Variants in ABI3BP observed in about 807,000 individuals in gnomAD.
ABI3BP encodes the protein target of Nesh-SH3.
ABI3BP carries 216 observed loss-of-function variants against 268.6 expected under a neutral mutation model. The observed-to-expected ratio is 0.80, with a 90% CI of 0.72 to 0.90. The LOEUF is 0.90. Ranked by LOEUF, ABI3BP falls within the 40% of genes least tolerant of loss-of-function variation. The pLI, the probability that ABI3BP is intolerant of heterozygous loss-of-function variation, is 0.00. For synonymous variants in ABI3BP, 730 were observed against 730.0 expected, an observed-to-expected ratio of 1.00 and a Z score of 0.00; for missense variants, 2,090 against 2,182.4, an observed-to-expected ratio of 0.96 and a Z score of 0.84.
intron 1 of ABI3BP, chr3:100,945,569 A>C (rs567529546): frequency 7.2e-5 from 30 of 419,434 alleles, no homozygotes; most frequent in Non-Finnish European, 1.2e-4. Context: ...ATTAAATATA[A>C]ATGGACTTAC....
intron 49 of ABI3BP, among the ~76,000 whole-genome samples, chr3:100,808,583 C>T (rs539770592): frequency 7.3e-4 from 111 of 151,972 alleles, no homozygotes; most frequent in Middle Eastern, 3.4e-3. Context: ...TTTAGTTGTA[C>T]TATTTTAAAT....
At chr3:100,827,249 C>T (rs571170976) in intron 34 of ABI3BP, among the ~76,000 whole-genome samples, 8 of 152,228 alleles carry the variant, frequency 5.3e-5, no homozygotes, top group East Asian at 1.9e-4. Flanking sequence ...CTGCACACTG[C>T]GAAGTAAAAC....
rs546435181 is a variant in ABI3BP, at chr3:100,949,073, C to CA, written c.80-22593_80-22592insT. On this transcript the variant is annotated intron_variant, in intron 1 of 67. Coordinates refer to ENST00000471714, the MANE Select transcript of ABI3BP (RefSeq NM_001375547.2). ...CAAAAATAAGGTTATACTCCAAGTG[C>CA]TGTTCCATAACCTGCATTTTCTTCA... Among the ~76,000 whole-genome samples, 169 of 152,220 alleles carry CA rather than the reference C, an allele frequency of 1.1e-3. 2 individuals carry two copies. Among genetic ancestry groups the CA allele is most frequent in the African/African-American group, 3.9e-3 (164 of 41,542 alleles).
At chr3:100,900,863 G>T (rs1398278787) in intron 3 of ABI3BP, among the ~76,000 whole-genome samples, 1 of 152,078 alleles carries the variant, frequency 6.6e-6, no homozygotes, top group Non-Finnish European at 1.5e-5. Flanking sequence ...AATTTCTAAG[G>T]CTAGTGTCAT....
At chr3:100,753,042 T>A in intron 65 of ABI3BP, 94 bp from the exon 66 acceptor site, 4 of 1,098,036 alleles carry the variant, frequency 3.6e-6, no homozygotes, top group Non-Finnish European at 5.0e-6. Flanking sequence ...TGCTGATACC[T>A]TTTTTTCCCC....
chr3:100,935,305 T>C (rs1257263655), intron 1 of ABI3BP, among the ~76,000 whole-genome samples: 1 of 152,178 alleles, frequency 6.6e-6, no homozygotes, highest in Non-Finnish European at 1.5e-5. Flanking sequence ...TGGTGTTATT[T>C]CTGAGGCCTC....
At chr3:100,837,078 G>A (rs578093317) in intron 27 of ABI3BP, 46 bp downstream of exon 27, 47 of 1,465,284 alleles carry the variant, frequency 3.2e-5, no homozygotes, top group African/African-American at 5.7e-5. Context: ...GATGAGAGGC[G>A]CAAGCTCAGA....
At chr3:100,914,514 G>C (rs542650124) in intron 2 of ABI3BP, 3 of 449,330 alleles carry the variant, frequency 6.7e-6, no homozygotes, top group Non-Finnish European at 1.3e-5. Context: ...ATGTTCACAG[G>C]CCTGTTCTGA....
At chr3:100,837,077 CG>C in intron 27 of ABI3BP, 46 bp downstream of exon 27, 1 of 1,469,710 alleles carries the variant, frequency 6.8e-7, no homozygotes, top group Non-Finnish European at 9.1e-7. Flanking sequence ...AGATGAGAGG[CG>C]CAAGCTCAGA....
chr3:100,899,912 G>A (rs2049423353), intron 3 of ABI3BP, among the ~76,000 whole-genome samples: 1 of 152,208 alleles, frequency 6.6e-6, no homozygotes, highest in Non-Finnish European at 1.5e-5. Flanking sequence ...TATTAAGGTA[G>A]GTAGGAGAGT....
intron 11 of ABI3BP, chr3:100,864,343 C>G (rs562101487): frequency 2.2e-6 from 1 of 459,818 alleles, no homozygotes; most frequent in African/African-American, 1.9e-5. Flanking sequence ...GGAAAGAGAA[C>G]AACAAAGCAA....
chr3:100,923,024 A>G (rs546882110), intron 2 of ABI3BP, among the ~76,000 whole-genome samples: 3 of 152,350 alleles, frequency 2.0e-5, no homozygotes, highest in African/African-American at 7.2e-5. Flanking sequence ...TTAAAGAAAT[A>G]CGGAAAAGGA....
intron 31 of ABI3BP, among the ~76,000 whole-genome samples, chr3:100,831,184 A>G (rs2098485589): frequency 6.6e-6 from 1 of 152,108 alleles, no homozygotes; most frequent in African/African-American, 2.4e-5. Flanking sequence ...TTTTTAACCA[A>G]TAAAATGAGG....
chr3:100,894,662 G>C (rs1021855411), intron 4 of ABI3BP, among the ~76,000 whole-genome samples: 6 of 151,994 alleles, frequency 3.9e-5, no homozygotes, highest in Non-Finnish European at 5.9e-5. Context: ...AAACACGGCC[G>C]GGCGCGGTGG....
chr3:100,805,324 G>C (rs2097673991), intron 50 of ABI3BP, among the ~76,000 whole-genome samples: 1 of 152,070 alleles, frequency 6.6e-6, no homozygotes, highest in South Asian at 2.1e-4. Flanking sequence ...CAACAGCAGA[G>C]TGGTAAGTGG....
At chr3:100,936,773 T>C (rs1245886757) in intron 1 of ABI3BP, among the ~76,000 whole-genome samples, 2 of 152,198 alleles carry the variant, frequency 1.3e-5, no homozygotes, top group African/African-American at 4.8e-5. Context: ...ATAGAGGTGT[T>C]TATAGTATTC....
intron 66 of ABI3BP, 158 bp downstream of exon 66, chr3:100,752,629 G>A (rs2095400591): frequency 1.5e-6 from 1 of 682,594 alleles, no homozygotes; most frequent in Non-Finnish European, 2.4e-6. Context: ...TTGCTTTCTA[G>A]GAATGATAAC....
chr3:100,822,935 G>A (rs1181878779), intron 37 of ABI3BP, among the ~76,000 whole-genome samples: 1 of 152,064 alleles, frequency 6.6e-6, no homozygotes, highest in Non-Finnish European at 1.5e-5. Context: ...AAAAGGTTAA[G>A]TACTATTGCC....
chr3:100,969,353 G>T (rs1012153947), intron 1 of ABI3BP, among the ~76,000 whole-genome samples: 1 of 152,190 alleles, frequency 6.6e-6, no homozygotes, highest in African/African-American at 2.4e-5. Context: ...CAGTGGCATT[G>T]CCAGAATTAG....
Sources: gnomAD v4.1 joint callset for allele counts (sites outside exome capture counted in the v4.1 genomes callset) on GRCh38, gnomAD v4.1.1 for gene constraint, MANE v1.5 for transcripts, NCBI Gene and HGNC (gene_info 2026-07-23, HGNC 2026-07-21) for gene names.